Variants in HEATR5B observed in about 807,000 individuals in gnomAD.
HEATR5B encodes HEAT repeat-containing protein 5B.
In HEATR5B, 156 loss-of-function variants were observed where a neutral mutation model predicts 224.1. The observed-to-expected ratio is 0.70, with a 90% confidence interval of 0.61 to 0.80. The LOEUF (loss-of-function observed/expected upper bound fraction) is 0.80, where lower values mean the gene tolerates loss of function less well. HEATR5B is among the 30% of genes least tolerant of loss of function. The pLI is 0.00. For synonymous variants in HEATR5B, 1,027 were observed against 893.0 expected, an observed-to-expected ratio of 1.15 and a Z score of -2.68; for missense variants, 2,323 against 2,535.5, an observed-to-expected ratio of 0.92 and a Z score of 1.80.
At chr2:36,987,083 C>T (rs1366092819) in intron 35 of HEATR5B, among the ~76,000 whole-genome samples, 1 of 152,150 alleles carries the variant, frequency 6.6e-6, no homozygotes, top group African/African-American at 2.4e-5. Flanking sequence ...GCATTCCCTT[C>T]TCTCCAGTCA....
intron 22 of HEATR5B, among the ~76,000 whole-genome samples, chr2:37,029,473 G>A (rs1668982805): frequency 6.6e-6 from 1 of 152,106 alleles, no homozygotes; most frequent in Admixed American, 6.5e-5. Context: ...AGACCAGCCT[G>A]GCCAACATGG....
At chr2:37,058,382 A>T (rs112684474) in intron 14 of HEATR5B, 69 bp downstream of exon 14, 1 of 888,828 alleles carries the variant, frequency 1.1e-6, no homozygotes, top group Non-Finnish European at 1.9e-6. Flanking sequence ...AGCCTTTGTC[A>T]AGACTCTATA....
At chr2:36,994,072 A>C (rs1388007062) in intron 33 of HEATR5B, among the ~76,000 whole-genome samples, 1 of 152,186 alleles carries the variant, frequency 6.6e-6, no homozygotes, top group African/African-American at 2.4e-5. Flanking sequence ...TGTTCTTAGG[A>C]TATCCATGAA....
chr2:37,044,352 G>A (rs537062022), intron 18 of HEATR5B, among the ~76,000 whole-genome samples: 2 of 152,234 alleles, frequency 1.3e-5, no homozygotes, highest in Non-Finnish European at 1.5e-5. Context: ...AGTTTCATAC[G>A]AATGAAATCA....
intron 20 of HEATR5B, 145 bp downstream of exon 20, chr2:37,040,184 G>A: frequency 3.1e-6 from 2 of 636,506 alleles, no homozygotes; most frequent in Admixed American, 3.6e-5. Flanking sequence ...AAAAAGCTGA[G>A]TGCCAGGCTT....
intron 2 of HEATR5B, among the ~76,000 whole-genome samples, chr2:37,080,078 C>A (rs1188832878): frequency 6.6e-6 from 1 of 152,122 alleles, no homozygotes; most frequent in South Asian, 2.1e-4. Flanking sequence ...GCTGAAGGAA[C>A]AAGTATAAAG....
chr2:36,992,598 C>CA (rs1473337677), intron 33 of HEATR5B, among the ~76,000 whole-genome samples: 1 of 151,820 alleles, frequency 6.6e-6, no homozygotes. Context: ...AACAAACAAA[C>CA]AAAAAACCTA....
chr2:37,068,692 A>T lies in HEATR5B; in HGVS notation c.1166T>A (p.Met389Lys). ...ATACTGATTCTTACCTACGGCTTTC[A>T]TTTGTTTTCCAATAGCTTGGCAGAT... is the stretch of plus-strand genomic sequence containing the variant. ...KEICQAIGKQMKAVEAVVNDT... is the reference protein window; with the variant it reads ...KEICQAIGKQKKAVEAVVNDT... The change falls in exon 8 of 36, where the codon ATG (methionine) becomes AAG (lysine). Residue 389 changes from methionine (M) to lysine (K), a missense_variant. By Grantham distance (95) the Met-to-Lys change is moderately conservative. This residue lies in a region of HEATR5B where 502 missense variants were observed against 517.8 expected (regional missense o/e 0.97). Coordinates refer to ENST00000233099, the MANE Select transcript of HEATR5B (RefSeq NM_019024.3). 6.2e-7 allele frequency: 1 copy of T among 1,614,082 alleles called. No individual in the cohort carries two copies. The highest frequency in any genetic ancestry group is 8.5e-7 in the Non-Finnish European group (1 of 1,179,994).
chr2:37,011,151 C>T (rs1667760728), intron 27 of HEATR5B, among the ~76,000 whole-genome samples: 1 of 152,170 alleles, frequency 6.6e-6, no homozygotes, highest in Non-Finnish European at 1.5e-5. Flanking sequence ...GTGAATGAAT[C>T]TCAGGGAACA....
chr2:37,013,661 G>C (rs187577314), intron 27 of HEATR5B, among the ~76,000 whole-genome samples, 180 bp downstream of exon 27: 58 of 152,284 alleles, frequency 3.8e-4, no homozygotes, highest in Non-Finnish European at 6.9e-4. Context: ...ATATTATGTA[G>C]GAGAGCCCTT....
At chr2:37,055,142 C>T in intron 16 of HEATR5B, 1 of 386,564 alleles carries the variant, frequency 2.6e-6, no homozygotes, top group Non-Finnish European at 5.4e-6. Context: ...GGTTGAAAAC[C>T]AAAGTAGGAT....
intron 34 of HEATR5B, among the ~76,000 whole-genome samples, chr2:36,989,490 A>G (rs1361777358): frequency 6.6e-6 from 1 of 152,220 alleles, no homozygotes; most frequent in African/African-American, 2.4e-5. Flanking sequence ...TTAACCAAAT[A>G]TATTTACTAA....
Position 37,000,479 on chromosome 2 carries a change from G to A in HEATR5B, c.5545+107C>T, listed in dbSNP as rs965693660. 1.6e-5 allele frequency: 13 copies of A among 801,308 alleles called. No homozygotes were observed. In the East Asian group the frequency reaches 2.5e-4, roughly 16 times the overall value. 49.6% of individuals were successfully genotyped at this position (801,308 alleles called of 1,614,324 possible). A position where few individuals can be genotyped will look rare whatever the true frequency, so the allele number is the denominator to read the frequency against. ...AGATATGACTAACATACCTCTCTGAGATGATTCATTGTTATACAGCAGTTT... is the reference window on the plus strand; with the variant it reads ...AGATATGACTAACATACCTCTCTGAAATGATTCATTGTTATACAGCAGTTT... On this transcript the variant is annotated intron_variant, in intron 33 of 35. Transcript: ENST00000233099.
At chr2:37,052,024 G>A (rs1670584676) in intron 17 of HEATR5B, among the ~76,000 whole-genome samples, 1 of 152,128 alleles carries the variant, frequency 6.6e-6, no homozygotes, top group Non-Finnish European at 1.5e-5. Flanking sequence ...ACAGGCATAA[G>A]CCACCACGCC....
chr2:37,057,288 A>C (rs375096043), intron 15 of HEATR5B, 29 bp downstream of exon 15: 1 of 1,522,862 alleles, frequency 6.6e-7, no homozygotes, highest in African/African-American at 1.4e-5. Context: ...AGATTAAGTT[A>C]GTATTTCATT....
intron 13 of HEATR5B, 58 bp downstream of exon 13, chr2:37,058,830 A>C (rs1671073787): frequency 1.4e-5 from 14 of 1,030,792 alleles, no homozygotes; most frequent in Middle Eastern, 2.2e-4. Context: ...AATATGGCTG[A>C]GAAGTATATT....
Position 37,014,015 on chromosome 2 carries a change from A to G in HEATR5B, c.4110T>C (p.Cys1370=). The G allele has an allele frequency of 6.5e-7, 1 of 1,536,442 alleles. No individual in the cohort carries two copies. The highest frequency in any genetic ancestry group is 8.8e-7 in the Non-Finnish European group (1 of 1,136,926). The change falls in exon 27 of 36, where the codon TGT becomes TGC. Residue 1370 remains cysteine (C), a synonymous_variant. Coordinates refer to ENST00000233099, the MANE Select transcript of HEATR5B (RefSeq NM_019024.3). The part of the protein sequence containing the change: ...SDIIAKACQV[C]STWIGSGVVS... ...CAACTCCACTTCCTATCCATGTACT[A>G]CATACCTAGACAAAGAGAATTCAAA...
intron 5 of HEATR5B, 31 bp downstream of exon 5, chr2:37,075,454 G>T: frequency 1.3e-6 from 2 of 1,550,902 alleles, no homozygotes; most frequent in Non-Finnish European, 1.7e-6. Flanking sequence ...GAAGGATAAA[G>T]AGCAGTATTC....
At position 37,002,432 on chromosome 2, in the gene HEATR5B, T is replaced by C; in HGVS notation, c.5191A>G (p.Ser1731Gly). The change falls in exon 32 of 36, where the codon AGT becomes GGT. Residue 1731 changes from serine (S) to glycine (G), a missense_variant. Around this residue, in one of 12 missense-constraint regions of HEATR5B, gnomAD observed 844 missense variants for 812.9 expected, o/e 1.04. Coordinates refer to ENST00000233099, the MANE Select transcript of HEATR5B (RefSeq NM_019024.3). The stretch of plus-strand genomic sequence containing the variant: ...CTTGGAGAGTCTGACACCTTGGTAC[T>C]GAGATGTGGCATATGCCGTACTAAA... The part of the protein sequence containing the change: ...FILVRHMPHL[S>G]TKVSDSPSHI... 6.2e-7 allele frequency: 1 copy of C among 1,614,232 alleles called. No homozygotes were observed. Among genetic ancestry groups the C allele is most frequent in the Non-Finnish European group, 8.5e-7 (1 of 1,180,038 alleles).
Sources: gnomAD v4.1 joint callset for allele counts (sites outside exome capture counted in the v4.1 genomes callset) on GRCh38, gnomAD v4.1.1 for gene constraint, gnomAD v4.1.1 regional missense constraint, MANE v1.5 for transcripts, NCBI Gene and HGNC (gene_info 2026-07-23, HGNC 2026-07-21) for gene names.